TASOR2: variants seen among roughly 807,000 people sequenced by gnomAD.
TASOR2 encodes the protein protein TASOR 2.
TASOR2 carries 84 observed loss-of-function variants against 199.5 expected under a neutral mutation model. That is an observed-to-expected ratio of 0.42 (90% CI 0.35 to 0.50). TASOR2 has a LOEUF of 0.50. Ranked by LOEUF, TASOR2 falls within the 20% of genes least tolerant of loss-of-function variation. TASOR2 has a pLI of 0.02. For synonymous variants in TASOR2, 1,103 were observed against 1,046.6 expected, an observed-to-expected ratio of 1.05 and a Z score of -1.04; for missense variants, 2,796 against 2,835.9, an observed-to-expected ratio of 0.99 and a Z score of 0.32.
chr10:5,727,848 C>T (rs541457950), intron 10 of TASOR2, among the ~76,000 whole-genome samples: 2 of 152,238 alleles, frequency 1.3e-5, no homozygotes, highest in African/African-American at 2.4e-5. Flanking sequence ...AATGCCTACC[C>T]TTCTTGTATT....
At chr10:5,691,193 A>G (rs2131490413) in intron 1 of TASOR2, among the ~76,000 whole-genome samples, 1 of 151,930 alleles carries the variant, frequency 6.6e-6, no homozygotes, top group East Asian at 1.9e-4. Context: ...CCGTCTCAAA[A>G]AAAAAAAAAA....
intron 1 of TASOR2, among the ~76,000 whole-genome samples, chr10:5,693,758 A>G (rs541374531): frequency 1.3e-5 from 2 of 152,376 alleles, no homozygotes; most frequent in South Asian, 4.1e-4. Flanking sequence ...TTCAGATAAT[A>G]TATAAAGCTG....
chr10:5,749,772 A>G, exon 15 of TASOR2: 1 of 1,614,224 alleles, frequency 6.2e-7, no homozygotes, highest in Non-Finnish European at 8.5e-7. Context: ...AGTATGCTGA[A>G]TTCAACAAGG....
rs929283008 is a variant in TASOR2, at chr10:5,722,323, G to A, written c.146+1353G>A. Among the ~76,000 whole-genome samples the A allele has an allele frequency of 4.6e-5, 7 of 152,108 alleles. No individual in the cohort carries two copies. The highest frequency in any genetic ancestry group is 5.9e-5 in the Non-Finnish European group (4 of 68,024). ...TACAAAAAATTAGCCGGGCGTGGTG[G>A]CACGTGCCTGTGATCCTAGCTACTG... On this transcript the variant is annotated intron_variant, in intron 6 of 20. Transcript: ENST00000328090. This position sits in a 1 kb window ranked among gnomAD's most constrained non-coding sequence, Gnocchi z 4.0.
At chr10:5,723,708 A>G (rs779590002) in exon 7 of TASOR2, 1 of 1,595,580 alleles carries the variant, frequency 6.3e-7, no homozygotes, top group Admixed American at 1.7e-5. Context: ...ATATGTAATG[A>G]AAGTGTCTTC....
exon 19 of TASOR2, chr10:5,761,308 TAAG>T (rs750915261): frequency 1.1e-5 from 18 of 1,613,418 alleles, no homozygotes; most frequent in Middle Eastern, 1.7e-4. Flanking sequence ...CAACTGCACA[TAAG>T]AAGAACATAA....
Position 5,730,488 on chromosome 10 carries a change from G to T in TASOR2, c.489G>T (p.Gly163=). 1 of 1,587,232 alleles carries T rather than the reference G, an allele frequency of 6.3e-7. No homozygotes were observed. The highest frequency in any genetic ancestry group is 8.6e-7 in the Non-Finnish European group (1 of 1,167,974). The change falls in exon 11 of 21, where the codon GGG becomes GGT. Residue 163 remains glycine, a splice_region_variant and synonymous_variant. Transcript: ENST00000328090. The surrounding 1 kb of genome is among the most constrained non-coding windows in gnomAD (Gnocchi z 4.1). Reference sequence around the variant, plus strand: ...TTAATACGTGTGTATATATTCTAGGGGTGAAAGATTTGAAAGTTGAAGATG... The same window carrying T: ...TTAATACGTGTGTATATATTCTAGGTGTGAAAGATTTGAAAGTTGAAGATG...
chr10:5,757,560 T>C (rs1451042020), exon 17 of TASOR2: 1 of 1,611,724 alleles, frequency 6.2e-7, no homozygotes, highest in Non-Finnish European at 8.5e-7. Context: ...CCCAGTGTCA[T>C]CTTTGCTGGA....
chr10:5,731,703 A>T (rs1483460084), intron 11 of TASOR2, among the ~76,000 whole-genome samples: 10 of 152,228 alleles, frequency 6.6e-5, no homozygotes, highest in Admixed American at 6.5e-4. Flanking sequence ...ACCAAGAAAT[A>T]GGAAAGACCA....
Position 5,742,658 on chromosome 10 carries a change from A to G in TASOR2, c.2757+132A>G. 1.2e-6 allele frequency: 1 copy of G among 832,458 alleles called. No homozygotes were observed. The highest frequency in any genetic ancestry group is 1.8e-6 in the Non-Finnish European group (1 of 548,730). The allele number at this position is 832,458 out of a possible 1,614,324, so 51.6% of individuals were successfully genotyped here. ...GAATTCTCAAGGTATGTAAAGAACT[A>G]TTACACCAAAAACCTAGTTTTCATG... On this transcript the variant is annotated intron_variant, in intron 14 of 20. Transcript: ENST00000328090. The surrounding 1 kb of genome is among the most constrained non-coding windows in gnomAD (Gnocchi z 4.2).
intron 7 of TASOR2, among the ~76,000 whole-genome samples, chr10:5,724,016 C>G (rs1033551648): frequency 6.6e-6 from 1 of 152,170 alleles, no homozygotes; most frequent in Admixed American, 6.5e-5. Flanking sequence ...AATACTGATG[C>G]AATTAAGCAA....
At chr10:5,746,071 C>G in intron 14 of TASOR2, 108 bp from the exon 16 acceptor site, 2 of 1,266,122 alleles carry the variant, frequency 1.6e-6, no homozygotes, top group South Asian at 3.7e-5. Flanking sequence ...AGAACATTCA[C>G]AAACTAAAAT....
chr10:5,694,818 C>T (rs558750755), intron 1 of TASOR2, among the ~76,000 whole-genome samples: 17 of 152,306 alleles, frequency 1.1e-4, no homozygotes, highest in African/African-American at 4.1e-4. Context: ...ACCCCCATCC[C>T]AGACCCCAGC....
rs1393850681 is a variant in TASOR2 at position 5,763,309 on chromosome 10, T to TA, written c.*279dup. The TA allele has an allele frequency of 4.7e-5, 16 of 338,284 alleles. No homozygotes were observed. In the Admixed American group the frequency reaches 5.2e-4, roughly 11 times the overall value. The allele number at this position is 338,284 out of a possible 1,614,324, so 21.0% of individuals were successfully genotyped here. A position where few individuals can be genotyped will look rare whatever the true frequency, so the allele number is the denominator to read the frequency against. The stretch of plus-strand genomic sequence containing the variant: ...TCTAAGCTATTGAGCTTATTAAAAA[T>TA]AATTTTACATGTTTACTTAGTTGGA... On this transcript the variant is annotated 3_prime_UTR_variant, in exon 21 of 21. Transcript: ENST00000328090.
At position 5,712,539 on chromosome 10, in the gene TASOR2, G is replaced by A. The variant is rs560014325; in HGVS notation, c.-287-284G>A. Reference sequence around the variant, plus strand: ...TGAAAAATGACATTTTCTTAAATGAGGTGAGGTGCTTGGTACACACTATGA... The same window carrying A: ...TGAAAAATGACATTTTCTTAAATGAAGTGAGGTGCTTGGTACACACTATGA... On this transcript the variant is annotated intron_variant, in intron 1 of 20. Coordinates refer to ENST00000328090, the Ensembl canonical transcript of TASOR2. 1.5e-5 allele frequency: 19 copies of A among 1,231,452 alleles called. No individual in the cohort carries two copies. In the African/African-American group the frequency reaches 2.8e-4, roughly 18 times the overall value. 76.3% of individuals were successfully genotyped at this position (1,231,452 alleles called of 1,614,324 possible).
In TASOR2 at chr10:5,742,297, G is replaced by C. The variant is rs1339850837; in HGVS notation, c.2528G>C (p.Gly843Ala). Residue 843 changes from glycine (G) to alanine (A), a missense_variant, in exon 14 of 21, where the codon GGT (glycine) becomes GCT (alanine). By Grantham distance (60) the Gly-to-Ala change is moderately conservative. Around this residue, in one of 3 missense-constraint regions of TASOR2, gnomAD observed 1,941 missense variants for 1,924.9 expected, o/e 1.01. Coordinates refer to ENST00000328090, the Ensembl canonical transcript of TASOR2. This position sits in a 1 kb window ranked among gnomAD's most constrained non-coding sequence, Gnocchi z 4.2. ...CTCCGTGAAATTGAGGAGTCCCTTG[G>C]TTTGGAAAAATGTTCTGCAGACTCT... 6.2e-7 allele frequency: 1 copy of C among 1,614,034 alleles called. No individual in the cohort carries two copies. Among genetic ancestry groups the C allele is most frequent in the East Asian group, 2.2e-5 (1 of 44,888 alleles).
chr10:5,689,554 C>G lies in TASOR2; in HGVS notation c.-288+4379C>G, dbSNP rs1246880661. ...GGCAGAGGTTGCAGTGAGCAGAGAT[C>G]ACGCCACTGCACTCCAGCCTGGGCG... On this transcript the variant is annotated intron_variant, in intron 1 of 20. Transcript: ENST00000328090. This position sits in a 1 kb window ranked among gnomAD's most constrained non-coding sequence, Gnocchi z 4.1. 2.0e-5 allele frequency among the ~76,000 whole-genome samples: 3 copies of G among 152,062 alleles called. No homozygotes were observed. Among genetic ancestry groups the G allele is most frequent in the African/African-American group, 7.2e-5 (3 of 41,392 alleles).
chr10:5,747,151 G>A (rs776831115), exon 15 of TASOR2: 9 of 1,614,088 alleles, frequency 5.6e-6, no homozygotes. Flanking sequence ...TCACAAGAAT[G>A]GTCCAAACAC....
At chr10:5,761,551 G>C in intron 19 of TASOR2, 80 bp downstream of exon 20, 1 of 1,252,774 alleles carries the variant, frequency 8.0e-7, no homozygotes. Context: ...ACCTGATGAA[G>C]AGTATCAGGT....
Sources: allele counts gnomAD v4.1 joint callset (sites outside exome capture counted in the v4.1 genomes callset), GRCh38; gene constraint gnomAD v4.1.1; regional missense constraint gnomAD v4.1.1; non-coding constraint Gnocchi (gnomAD v3.1); transcripts MANE v1.5; gene names NCBI Gene and HGNC (gene_info 2026-07-23, HGNC 2026-07-21).